The following CACNA1E variants were observed in gnomAD, a reference collection of about 807,000 sequenced individuals.
CACNA1E encodes calcium voltage-gated channel subunit alpha1 E.
CACNA1E carries 40 observed loss-of-function variants against 259.2 expected under a neutral mutation model. The observed-to-expected ratio is 0.15, with a 90% CI of 0.12 to 0.20. CACNA1E has a LOEUF of 0.20. Ranked by LOEUF, CACNA1E falls within the 10% of genes least tolerant of loss-of-function variation. CACNA1E has a pLI of 1.00. For synonymous variants in CACNA1E, 1,104 were observed against 1,138.5 expected (o/e 0.97, Z 0.61); for missense variants, 1,874 against 3,040.1 (o/e 0.62, Z 9.02).
chr1:181,732,572 G>A lies in CACNA1E; in HGVS notation c.2486G>A (p.Arg829Gln), dbSNP rs748035206. The A allele has an allele frequency of 1.3e-5, 20 of 1,530,350 alleles. No individual in the cohort carries two copies. In the South Asian group the frequency reaches 1.4e-4, roughly 10 times the overall value. 94.8% of individuals were successfully genotyped at this position (1,530,350 alleles called of 1,614,324 possible). The change falls in exon 20 of 48, where the codon CGA (arginine) becomes CAA (glutamine). Residue 829 changes from arginine (R) to glutamine (Q), a missense_variant. By Grantham distance (43) the Arg-to-Gln change is conservative. Coordinates refer to ENST00000367573, the MANE Select transcript of CACNA1E (RefSeq NM_001205293.3). The surrounding 1 kb of genome is among the most constrained non-coding windows in gnomAD (Gnocchi z 5.5). The part of the protein sequence containing the change: ...PLNAHPSLYR[R>Q]PRAIEGLALG... ...AATGCCCACCCCAGCCTTTATCGGC[G>A]ACCCAGGGCCATTGAGGGCCTGGCC...
intron 7 of CACNA1E, chr1:181,652,149 T>C (rs187225662): frequency 1.3e-5 from 2 of 152,258 alleles, no homozygotes; most frequent in East Asian, 3.9e-4. Context: ...ATAGACTATA[T>C]GGGAGTGAAC....
rs536068347 is a variant in CACNA1E at position 181,745,183 on chromosome 1, A to G, written c.3720-5293A>G. ...AGTCCTCAGTCTACCTACTCTTGGC[A>G]TTAAGTCTCAGCATGCATATTTTTT... On this transcript the variant is annotated intron_variant, in intron 25 of 47. Transcript: ENST00000367573. Among the ~76,000 whole-genome samples the G allele has an allele frequency of 1.5e-3, 226 of 152,286 alleles. 5 individuals are homozygous for G. Among genetic ancestry groups the G allele is most frequent in the Admixed American group, 6.5e-3 (99 of 15,296 alleles).
chr1:181,440,221 G>A (rs1292610142), intron 2 of CACNA1E, among the ~76,000 whole-genome samples: 2 of 151,978 alleles, frequency 1.3e-5, no homozygotes, highest in South Asian at 2.1e-4. Context: ...GGCAATTGTC[G>A]TATGCTTCCA....
At position 181,794,952 on chromosome 1, in the gene CACNA1E, T is replaced by C. The variant is rs376416157; in HGVS notation, c.6116T>C (p.Met2039Thr). ...TCCTCGTGGTTGGAGGAATTCTCCA[T>C]GGAGCGAAGCAGTGAAAATACCTAC... is the stretch of plus-strand genomic sequence containing the variant. ...SNSSWLEEFS[M>T]ERSSENTYKS... The change falls in exon 46 of 48, where the codon ATG becomes ACG. Residue 2039 changes from methionine to threonine, a missense_variant. Transcript: ENST00000367573. The C allele has an allele frequency of 1.9e-6, 3 of 1,613,984 alleles. No homozygotes were observed. Among genetic ancestry groups the C allele is most frequent in the Non-Finnish European group, 2.5e-6 (3 of 1,179,842 alleles).
intron 1 of CACNA1E, among the ~76,000 whole-genome samples, chr1:181,371,237 C>T (rs1474787342): frequency 6.6e-6 from 1 of 152,030 alleles, no homozygotes; most frequent in African/African-American, 2.4e-5. Flanking sequence ...TTGATGTCTT[C>T]TTTTGCTGTG....
At chr1:181,682,628 G>T (rs148338483) in intron 7 of CACNA1E, among the ~76,000 whole-genome samples, 6 of 152,344 alleles carry the variant, frequency 3.9e-5, no homozygotes, top group African/African-American at 1.4e-4. Context: ...TGGTTCCGCA[G>T]ACTGTGCAGT....
At chr1:181,492,122 GAAAACAAAAC>G (rs758570072) in intron 1 of CACNA1E, among the ~76,000 whole-genome samples, 10 of 152,186 alleles carry the variant, frequency 6.6e-5, no homozygotes, top group South Asian at 6.2e-4. Flanking sequence ...CTTTCTCACG[GAAAACAAAAC>G]AAAACAAAAC....
chr1:181,680,142 C>T (rs1482841170), intron 7 of CACNA1E, among the ~76,000 whole-genome samples: 1 of 146,980 alleles, frequency 6.8e-6, no homozygotes, highest in East Asian at 2.0e-4. Flanking sequence ...AAAGAGTCCC[C>T]AATCTCAGCA....
chr1:181,671,280 C>A (rs1648767832), intron 7 of CACNA1E, among the ~76,000 whole-genome samples: 1 of 152,188 alleles, frequency 6.6e-6, no homozygotes, highest in African/African-American at 2.4e-5. Context: ...CCTGCCTTGG[C>A]CTCCCAAAGT....
intron 7 of CACNA1E, among the ~76,000 whole-genome samples, chr1:181,655,014 A>G (rs566614910): frequency 4.0e-5 from 6 of 151,256 alleles, no homozygotes; most frequent in South Asian, 2.1e-4. Flanking sequence ...GAAACATAAG[A>G]TATCTTAAGA....
intron 7 of CACNA1E, among the ~76,000 whole-genome samples, chr1:181,708,911 C>T (rs1653059976): frequency 6.6e-6 from 1 of 152,034 alleles, no homozygotes; most frequent in Admixed American, 6.6e-5. Context: ...AGTGAATGAC[C>T]TTTTAAAAAG....
chr1:181,799,037 G>T lies in CACNA1E; in HGVS notation c.*203G>T. Reference sequence around the variant, plus strand: ...TGCTTTATTCCCCTTTGCAAGATGGGCACTGCCATAGTTCTGCCTCTTTGC... The same window carrying T: ...TGCTTTATTCCCCTTTGCAAGATGGTCACTGCCATAGTTCTGCCTCTTTGC... On this transcript the variant is annotated 3_prime_UTR_variant, in exon 48 of 48. Transcript: ENST00000367573. 2.1e-6 allele frequency: 1 copy of T among 475,244 alleles called. No homozygotes were observed. The highest frequency in any genetic ancestry group is 3.6e-6 in the Non-Finnish European group (1 of 274,600). The allele number at this position is 475,244 out of a possible 1,614,324, so 29.4% of individuals were successfully genotyped here. A position where few individuals can be genotyped will look rare whatever the true frequency, so the allele number is the denominator to read the frequency against.
At chr1:181,731,347 G>A in intron 19 of CACNA1E, 116 bp downstream of exon 19, 1 of 759,250 alleles carries the variant, frequency 1.3e-6, no homozygotes, top group South Asian at 1.5e-5. Flanking sequence ...TGTGTGGCTT[G>A]GTGTGTGTGT....
chr1:181,397,669 C>T (rs1656781266), intron 1 of CACNA1E, among the ~76,000 whole-genome samples: 1 of 152,170 alleles, frequency 6.6e-6, no homozygotes, highest in Non-Finnish European at 1.5e-5. Context: ...GTGAGAAAAA[C>T]TTTTGTATGG....
rs1157469496 is a variant in CACNA1E at position 181,717,039 on chromosome 1, G to A, written c.1316-54G>A. On this transcript the variant is annotated intron_variant, in intron 10 of 47. Transcript: ENST00000367573. ...CATCTTGCCCTTCGAATGCTCCCTG[G>A]CCCGGACCACAGGATATTTTGCAGT... 1.7e-5 allele frequency: 25 copies of A among 1,502,458 alleles called. No homozygotes were observed. In the East Asian group the frequency reaches 5.4e-4, roughly 33 times the overall value. 93.1% of individuals were successfully genotyped at this position (1,502,458 alleles called of 1,614,324 possible). A position where few individuals can be genotyped will look rare whatever the true frequency, so the allele number is the denominator to read the frequency against.
At chr1:181,797,858 A>G (rs1661949070) in intron 47 of CACNA1E, among the ~76,000 whole-genome samples, 1 of 152,216 alleles carries the variant, frequency 6.6e-6, no homozygotes, top group Non-Finnish European at 1.5e-5. Flanking sequence ...CAACTCCAGC[A>G]TTTGTTCACC....
chr1:181,771,669 G>A (rs942389933), intron 36 of CACNA1E: 166 of 484,002 alleles, frequency 3.4e-4, no homozygotes, highest in East Asian at 3.0e-4. Flanking sequence ...TTTCATCAAT[G>A]TCTTTGGCTC....
intron 6 of CACNA1E, among the ~76,000 whole-genome samples, chr1:181,586,730 C>T (rs993960040): frequency 1.3e-5 from 2 of 152,172 alleles, no homozygotes; most frequent in East Asian, 3.8e-4. Context: ...CTTGAATTCA[C>T]ATTCATATTT....
rs1234253865 is a variant in CACNA1E at position 181,715,651 on chromosome 1, GCCATCCTACAA to G, written c.1225+264_1225+274del. Among the ~76,000 whole-genome samples, 7 of 152,276 alleles carry G rather than the reference GCCATCCTACAA, an allele frequency of 4.6e-5. No individual in the cohort carries two copies. In the South Asian group the frequency reaches 1.2e-3, roughly 27 times the overall value. ...GTGATTGATACTGAGCAAGGAAAAG[GCCATCCTACAA>G]CCAATGCTATCTAAAGGGACCTTCT... On this transcript the variant is annotated intron_variant, in intron 9 of 47. Transcript: ENST00000367573.
Sources: gnomAD v4.1 joint callset for allele counts (sites outside exome capture counted in the v4.1 genomes callset) on GRCh38, gnomAD v4.1.1 for gene constraint, Gnocchi (gnomAD v3.1) non-coding constraint, MANE v1.5 for transcripts, NCBI Gene and HGNC (gene_info 2026-07-23, HGNC 2026-07-21) for gene names.